STK32B: variants seen among roughly 807,000 people sequenced by gnomAD.
STK32B encodes the protein serine/threonine kinase 32B, also known as serine/threonine-protein kinase 32B.
A neutral mutation model predicts 52.6 loss-of-function variants in STK32B; 43 were observed. That is an observed-to-expected ratio of 0.82 (90% CI 0.64 to 1.05). STK32B has a LOEUF of 1.05. Among genes scored for constraint, STK32B ranks in the 50% least tolerant of loss-of-function variants. The pLI is 0.00. For missense variants in STK32B, 621 were observed against 534.6 expected, an observed-to-expected ratio of 1.16 and a Z score of -1.59; for synonymous variants, 238 against 204.3, an observed-to-expected ratio of 1.17 and a Z score of -1.41.
At chr4:5,022,619 G>A in the STK32B span, among the ~76,000 whole-genome samples, 2 of 152,332 alleles carry the variant, frequency 1.3e-5, no homozygotes, top group East Asian at 3.9e-4. Flanking sequence ...GTCTCTTCTG[G>A]TTTTCTTAAT....
intron 6 of STK32B, among the ~76,000 whole-genome samples, chr4:5,434,193 A>G (rs1231682391): frequency 1.3e-5 from 2 of 152,316 alleles, no homozygotes; most frequent in East Asian, 3.9e-4. Flanking sequence ...GTGAAAGACA[A>G]TGGGCAAGAA....
intron 3 of STK32B, among the ~76,000 whole-genome samples, chr4:5,301,446 CTT>C (rs1729548464): frequency 6.6e-6 from 1 of 151,796 alleles, no homozygotes; most frequent in Non-Finnish European, 1.5e-5. Flanking sequence ...CTAATTGAAT[CTT>C]TTCATTTATG....
At chr4:5,201,590 T>A (rs1329398809) in intron 3 of STK32B, among the ~76,000 whole-genome samples, 5 of 152,184 alleles carry the variant, frequency 3.3e-5, no homozygotes, top group Non-Finnish European at 2.9e-5. Flanking sequence ...CTCACACTGC[T>A]ATAAGGAGCT....
upstream of STK32B, among the ~76,000 whole-genome samples, chr4:5,049,027 T>C (rs1741668632): frequency 6.6e-6 from 1 of 152,202 alleles, no homozygotes; most frequent in Admixed American, 6.5e-5. Context: ...AACACTGCAC[T>C]GCAAGACTAA....
intron 3 of STK32B, among the ~76,000 whole-genome samples, chr4:5,275,605 G>A (rs959319719): frequency 2.0e-5 from 3 of 152,006 alleles, no homozygotes; most frequent in Non-Finnish European, 1.5e-5. Context: ...TGGCTTTGAT[G>A]TTGTCTCGGT....
At chr4:5,235,046 C>T (rs1469677227) in intron 3 of STK32B, among the ~76,000 whole-genome samples, 1 of 152,138 alleles carries the variant, frequency 6.6e-6, no homozygotes, top group South Asian at 2.1e-4. Flanking sequence ...GTTAAGTAAA[C>T]CAGAACATTT....
chr4:5,371,149 G>A (rs539270078), intron 4 of STK32B, among the ~76,000 whole-genome samples: 89 of 152,044 alleles, frequency 5.9e-4, no homozygotes, highest in Admixed American at 1.8e-3. Context: ...GCAGAGAAAT[G>A]GAATTTAGCT....
intron 1 of STK32B, among the ~76,000 whole-genome samples, chr4:5,138,354 C>T (rs1317475053): frequency 6.6e-6 from 1 of 152,092 alleles, no homozygotes; most frequent in Non-Finnish European, 1.5e-5. Context: ...CACATCCTTG[C>T]TTCCATTATG....
At chr4:5,145,348 A>G (rs956068726) in intron 2 of STK32B, among the ~76,000 whole-genome samples, 1 of 152,206 alleles carries the variant, frequency 6.6e-6, no homozygotes, top group African/African-American at 2.4e-5. Context: ...ATTTGCCTGT[A>G]GTTTTTCTTT....
intron 1 of STK32B, among the ~76,000 whole-genome samples, chr4:5,052,916 C>G (rs1741847479): frequency 6.6e-6 from 1 of 152,190 alleles, no homozygotes; most frequent in South Asian, 2.1e-4. Flanking sequence ...TTTCATGCCC[C>G]TTGAGGTGGC....
chr4:5,072,573 C>G (rs1010008539), intron 1 of STK32B, among the ~76,000 whole-genome samples: 2 of 152,194 alleles, frequency 1.3e-5, no homozygotes, highest in Non-Finnish European at 1.5e-5. Flanking sequence ...AACAGACTCA[C>G]TGCTGTCATT....
intron 3 of STK32B, among the ~76,000 whole-genome samples, chr4:5,218,346 T>G (rs1485792358): frequency 6.6e-6 from 1 of 152,218 alleles, no homozygotes; most frequent in East Asian, 1.9e-4. Flanking sequence ...GTAGCCTATT[T>G]AGGAAGTTTC....
chr4:5,053,201 A>G (rs1224956208), intron 1 of STK32B, among the ~76,000 whole-genome samples: 3 of 152,214 alleles, frequency 2.0e-5, no homozygotes, highest in African/African-American at 7.2e-5. Flanking sequence ...AGGAGTTCCT[A>G]GTCTAATGGC....
the STK32B span, among the ~76,000 whole-genome samples, chr4:5,035,518 G>A: frequency 2.0e-5 from 3 of 152,120 alleles, no homozygotes; most frequent in Non-Finnish European, 4.4e-5. Flanking sequence ...ACCCACACAT[G>A]TGCCTGCACC....
In STK32B at chr4:5,342,557, A is replaced by G. The variant is rs148247866; in HGVS notation, c.434+11164A>G. Among the ~76,000 whole-genome samples the G allele has an allele frequency of 3.2e-4, 48 of 152,262 alleles. No individual in the cohort carries two copies. In the East Asian group the frequency reaches 8.1e-3, roughly 26 times the overall value. On this transcript the variant is annotated intron_variant, in intron 4 of 11. Coordinates refer to ENST00000282908, the MANE Select transcript of STK32B (RefSeq NM_018401.3). The stretch of plus-strand genomic sequence containing the variant: ...CAGGTCTCGTGATAATTTACTGACT[A>G]TCAAAAGGACAGCACCAAGGAGATG...
intron 3 of STK32B, among the ~76,000 whole-genome samples, chr4:5,270,837 A>G (rs1004383487): frequency 6.6e-6 from 1 of 152,230 alleles, no homozygotes; most frequent in African/African-American, 2.4e-5. Context: ...TAAAACTAAT[A>G]AGTGAGTTTA....
chr4:5,219,243 G>A lies in STK32B; in HGVS notation c.260+50793G>A, dbSNP rs1025432576. Among the ~76,000 whole-genome samples the A allele has an allele frequency of 2.0e-5, 3 of 152,180 alleles. No individual in the cohort carries two copies. The South Asian group carries it at 6.2e-4, about 32-fold the overall frequency. Reference sequence around the variant, plus strand: ...GGGCCACAGTCTTGGGGCAGATGCTGGCCTCTGGAGGCCCTGGGTGGCCAG... The same window carrying A: ...GGGCCACAGTCTTGGGGCAGATGCTAGCCTCTGGAGGCCCTGGGTGGCCAG... On this transcript the variant is annotated intron_variant, in intron 3 of 11. Coordinates refer to ENST00000282908, the MANE Select transcript of STK32B (RefSeq NM_018401.3).
At chr4:5,353,653 A>C (rs1197929666) in intron 4 of STK32B, among the ~76,000 whole-genome samples, 1 of 152,140 alleles carries the variant, frequency 6.6e-6, no homozygotes, top group African/African-American at 2.4e-5. Flanking sequence ...CAACATCACT[A>C]ATCATCAGGG....
chr4:5,241,131 A>G (rs532143881), intron 3 of STK32B, among the ~76,000 whole-genome samples: 1 of 152,158 alleles, frequency 6.6e-6, no homozygotes, highest in South Asian at 2.1e-4. Context: ...TGGATTTTTT[A>G]ATATTAAACC....
Sources: allele counts gnomAD v4.1 joint callset (sites outside exome capture counted in the v4.1 genomes callset), GRCh38; gene constraint gnomAD v4.1.1; transcripts MANE v1.5; gene names NCBI Gene and HGNC (gene_info 2026-07-23, HGNC 2026-07-21).